EPS15: variants seen among roughly 807,000 people sequenced by gnomAD.
EPS15 encodes epidermal growth factor receptor pathway substrate 15, also known as epidermal growth factor receptor substrate 15.
In EPS15, 72 loss-of-function variants were observed where a neutral mutation model predicts 113.8. The ratio of observed to expected loss-of-function variants is 0.63; its 90% confidence interval spans 0.52 to 0.77. EPS15 has a LOEUF of 0.77. EPS15 is among the 30% of genes least tolerant of loss of function. EPS15 has a pLI of 0.00. For synonymous variants in EPS15, 344 were observed against 363.4 expected (o/e 0.95, Z 0.61); for missense variants, 1,048 against 1,045.8 (o/e 1.00, Z -0.03).
intron 5 of EPS15, among the ~76,000 whole-genome samples, chr1:51,466,557 A>G (rs1311066267): frequency 1.3e-5 from 2 of 151,852 alleles, no homozygotes; most frequent in Non-Finnish European, 1.5e-5. Context: ...TAGGGGGTGG[A>G]GGTTGCAGAG....
chr1:51,474,724 C>T (rs961971220), intron 2 of EPS15, among the ~76,000 whole-genome samples: 1 of 151,786 alleles, frequency 6.6e-6, no homozygotes, highest in Non-Finnish European at 1.5e-5. Flanking sequence ...GGTACATGTG[C>T]ACAACATGCA....
chr1:51,481,518 G>C (rs1429157498), intron 1 of EPS15, among the ~76,000 whole-genome samples: 1 of 152,146 alleles, frequency 6.6e-6, no homozygotes, highest in African/African-American at 2.4e-5. Flanking sequence ...GAATCAGGTA[G>C]ACAAGAAATG....
intron 8 of EPS15, among the ~76,000 whole-genome samples, chr1:51,451,490 C>CAAAAAAAAAAAA (rs56091976): frequency 9.9e-5 from 5 of 50,666 alleles, no homozygotes; most frequent in South Asian, 6.6e-4. Flanking sequence ...GACTCCATCT[C>CAAAAAAAAAAAA]AAAAAAAAAA....
At chr1:51,385,377 C>A (rs1250962503) in intron 21 of EPS15, among the ~76,000 whole-genome samples, 2 of 151,978 alleles carry the variant, frequency 1.3e-5, no homozygotes, top group African/African-American at 4.8e-5. Context: ...CACTTCACAC[C>A]CATTAGGATG....
intron 13 of EPS15, among the ~76,000 whole-genome samples, chr1:51,410,319 A>G (rs1363632793): frequency 6.6e-6 from 1 of 151,452 alleles, no homozygotes; most frequent in African/African-American, 2.4e-5. Flanking sequence ...TGAGCCCAGG[A>G]GGTCAAGGCT....
chr1:51,403,664 T>C (rs1162598178), intron 16 of EPS15, 132 bp from the exon 17 acceptor site: 7 of 516,214 alleles, frequency 1.4e-5, no homozygotes, highest in African/African-American at 4.0e-5. Flanking sequence ...TAACTTCTCC[T>C]TCTATAATCT....
At chr1:51,402,781 G>C (rs907254552) in intron 17 of EPS15, among the ~76,000 whole-genome samples, 2 of 151,782 alleles carry the variant, frequency 1.3e-5, no homozygotes, top group African/African-American at 4.8e-5. Context: ...AAATTAGCTG[G>C]GCATGTGCAG....
chr1:51,447,897 T>C (rs1266044623), intron 9 of EPS15, 149 bp downstream of exon 9: 1 of 1,234,218 alleles, frequency 8.1e-7, no homozygotes, highest in Non-Finnish European at 1.1e-6. Context: ...CCATGTACTT[T>C]GTTAAAAAAA....
At chr1:51,448,299 G>A (rs1254561153) in intron 8 of EPS15, among the ~76,000 whole-genome samples, 164 bp from the exon 9 acceptor site, 4 of 150,556 alleles carry the variant, frequency 2.7e-5, no homozygotes, top group Admixed American at 6.6e-5. Flanking sequence ...GATGAAAGGA[G>A]GGAGAAAAAG....
At chr1:51,429,606 T>C (rs545345778) in intron 12 of EPS15, among the ~76,000 whole-genome samples, 138 of 151,522 alleles carry the variant, frequency 9.1e-4, no homozygotes, top group Non-Finnish European at 1.4e-3. Context: ...AAAGAACTTC[T>C]GTACTAGGTA....
At chr1:51,494,159 C>T (rs1404831020) in intron 1 of EPS15, among the ~76,000 whole-genome samples, 1 of 152,186 alleles carries the variant, frequency 6.6e-6, no homozygotes, top group African/African-American at 2.4e-5. Context: ...CAACAGTGAA[C>T]ACATATATTA....
chr1:51,398,053 G>C (rs372012444), intron 20 of EPS15, among the ~76,000 whole-genome samples: 1 of 150,906 alleles, frequency 6.6e-6, no homozygotes, highest in East Asian at 1.9e-4. Context: ...ACAAGATGAA[G>C]ATTTTTTTTT....
At chr1:51,395,456 T>C (rs1233627989) in intron 20 of EPS15, among the ~76,000 whole-genome samples, 3 of 152,132 alleles carry the variant, frequency 2.0e-5, no homozygotes, top group African/African-American at 7.2e-5. Context: ...TATTTTCTAA[T>C]TGTTATCTAA....
In EPS15 at chr1:51,363,079, C is replaced by T. The variant is rs144902944; in HGVS notation, c.2359+787G>A. Among the ~76,000 whole-genome samples, 1,002 of 152,192 alleles carry T rather than the reference C, an allele frequency of 6.6e-3. 2 individuals carry two copies. The highest frequency in any genetic ancestry group is 0.017 in the Middle Eastern group (5 of 294). On this transcript the variant is annotated intron_variant, in intron 23 of 24. Coordinates refer to ENST00000371733, the MANE Select transcript of EPS15 (RefSeq NM_001981.3). Reference sequence around the variant, plus strand: ...TTGGGAGGCCGAGGTGGACAGATCACTTGAGGTCAGGAGGTAGAGACCAGC... The same window carrying T: ...TTGGGAGGCCGAGGTGGACAGATCATTTGAGGTCAGGAGGTAGAGACCAGC...
intron 2 of EPS15, among the ~76,000 whole-genome samples, chr1:51,480,262 G>C (rs1389783289): frequency 1.3e-5 from 2 of 152,200 alleles, no homozygotes; most frequent in Non-Finnish European, 2.9e-5. Context: ...ATAAGGTAGT[G>C]AGACTGTTAG....
intron 8 of EPS15, among the ~76,000 whole-genome samples, chr1:51,450,155 C>T (rs1295702173): frequency 6.6e-6 from 1 of 151,702 alleles, no homozygotes; most frequent in African/African-American, 2.4e-5. Context: ...AAGGATTGGG[C>T]ACAACGTGGG....
At chr1:51,405,311 C>A (rs113985178) in intron 16 of EPS15, among the ~76,000 whole-genome samples, 1 of 151,968 alleles carries the variant, frequency 6.6e-6, no homozygotes, top group Non-Finnish European at 1.5e-5. Flanking sequence ...CTTAACACTA[C>A]GTAATAAAAA....
chr1:51,392,578 A>AGAG (rs1340153528), intron 21 of EPS15, among the ~76,000 whole-genome samples: 2 of 152,228 alleles, frequency 1.3e-5, no homozygotes, highest in Non-Finnish European at 2.9e-5. Flanking sequence ...TGCAAAAAAA[A>AGAG]GAGAAATAGC....
chr1:51,381,359 G>A (rs1188557446), intron 21 of EPS15, among the ~76,000 whole-genome samples: 2 of 152,164 alleles, frequency 1.3e-5, no homozygotes, highest in Non-Finnish European at 2.9e-5. Flanking sequence ...TTGGGAGGCC[G>A]AGATGGGCAG....
Sources: allele counts gnomAD v4.1 joint callset (sites outside exome capture counted in the v4.1 genomes callset), GRCh38; gene constraint gnomAD v4.1.1; transcripts MANE v1.5; gene names NCBI Gene and HGNC (gene_info 2026-07-23, HGNC 2026-07-21).